NOS1AP: variants seen among roughly 807,000 people sequenced by gnomAD.
The protein encoded by NOS1AP is nitric oxide synthase 1 adaptor protein, also known as carboxyl-terminal PDZ ligand of neuronal nitric oxide synthase protein.
NOS1AP carries 21 observed loss-of-function variants against 56.2 expected under a neutral mutation model. That is an observed-to-expected ratio of 0.37 (90% CI 0.26 to 0.54). The LOEUF (loss-of-function observed/expected upper bound fraction) is 0.54, where lower values mean the gene tolerates loss of function less well. NOS1AP is among the 20% of genes least tolerant of loss of function. The pLI, the probability that NOS1AP is intolerant of heterozygous loss-of-function variation, is 0.84. For synonymous variants in NOS1AP, 270 were observed against 274.6 expected (o/e 0.98, Z 0.17); for missense variants, 522 against 657.8 (o/e 0.79, Z 2.26).
chr1:162,092,785 G>A (rs1366519485), intron 1 of NOS1AP, among the ~76,000 whole-genome samples: 1 of 152,120 alleles, frequency 6.6e-6, no homozygotes, highest in African/African-American at 2.4e-5. Flanking sequence ...AGTGTGGGGA[G>A]GCTTCCTGAT....
chr1:162,243,209 G>C (rs4656361), intron 2 of NOS1AP, among the ~76,000 whole-genome samples: 50,020 of 151,996 alleles, frequency 0.33, 8,555 homozygotes, highest in East Asian at 0.54. Flanking sequence ...AGGGGACAAG[G>C]GGGTGTTAGA....
chr1:162,079,617 A>T (rs764785869), intron 1 of NOS1AP, among the ~76,000 whole-genome samples: 2 of 152,218 alleles, frequency 1.3e-5, no homozygotes, highest in Non-Finnish European at 1.5e-5. Flanking sequence ...AATATCTCAT[A>T]CTTCGTAGGG....
At chr1:162,351,434 G>A (rs553527339) in intron 6 of NOS1AP, among the ~76,000 whole-genome samples, 7 of 152,184 alleles carry the variant, frequency 4.6e-5, no homozygotes, top group Admixed American at 2.0e-4. Flanking sequence ...CCCACAGACC[G>A]ATTACACATT....
chr1:162,247,971 T>G (rs1653721444), intron 2 of NOS1AP, among the ~76,000 whole-genome samples: 1 of 152,162 alleles, frequency 6.6e-6, no homozygotes, highest in Non-Finnish European at 1.5e-5. Context: ...TTTACTATGG[T>G]TCTGCCTGGA....
Position 162,070,778 on chromosome 1 carries a change from T to C in NOS1AP, c.105+496T>C, listed in dbSNP as rs74543874. ...TTTTTTTAAACTCCAGGTAACCGGG[T>C]CTAGGTGTCAGAGTCACTTCCTAAA... is the stretch of plus-strand genomic sequence containing the variant. On this transcript the variant is annotated intron_variant, in intron 1 of 9. Transcript: ENST00000361897. 7.9e-3 allele frequency among the ~76,000 whole-genome samples: 1,205 copies of C among 152,024 alleles called. 18 individuals are homozygous for C. Among genetic ancestry groups the C allele is most frequent in the African/African-American group, 0.028 (1,146 of 41,424 alleles).
At chr1:162,278,534 A>G (rs1215013845) in intron 2 of NOS1AP, among the ~76,000 whole-genome samples, 1 of 152,038 alleles carries the variant, frequency 6.6e-6, no homozygotes, top group Non-Finnish European at 1.5e-5. Flanking sequence ...TTTTCAAGAG[A>G]GGTAAATTGA....
At chr1:162,199,716 C>G (rs1651929492) in intron 2 of NOS1AP, among the ~76,000 whole-genome samples, 1 of 151,880 alleles carries the variant, frequency 6.6e-6, no homozygotes, top group Admixed American at 6.6e-5. Context: ...ACAGCCAGTC[C>G]CCAGGTAGTC....
At chr1:162,199,073 C>T (rs1651898665) in intron 2 of NOS1AP, among the ~76,000 whole-genome samples, 1 of 152,174 alleles carries the variant, frequency 6.6e-6, no homozygotes, top group Non-Finnish European at 1.5e-5. Context: ...TATCCTGCTT[C>T]ATTGTTAGGG....
At chr1:162,154,609 C>G in intron 2 of NOS1AP, 133 bp downstream of exon 2, 1 of 687,388 alleles carries the variant, frequency 1.5e-6, no homozygotes, top group Non-Finnish European at 2.6e-6. Flanking sequence ...TCTCTGTACC[C>G]TCTAGGTAGC....
intron 2 of NOS1AP, among the ~76,000 whole-genome samples, chr1:162,170,789 A>G (rs1216120816): frequency 3.9e-5 from 6 of 152,036 alleles, no homozygotes; most frequent in Admixed American, 2.0e-4. Flanking sequence ...AAAAATACAA[A>G]AATTAGCCGG....
rs766453587 is a variant in NOS1AP, at chr1:162,199,638, GTGTCTGTGTGTA to G, written c.177+45163_177+45174del. ...TGTGTGTGTGTGTGTGTGTGTGTGT[GTGTCTGTGTGTA>G]AATTCTTGCAAATCCTCCTGCCCTG... is the stretch of plus-strand genomic sequence containing the variant. On this transcript the variant is annotated intron_variant, in intron 2 of 9. Transcript: ENST00000361897. Among the ~76,000 whole-genome samples, 929 of 115,974 alleles carry G rather than the reference GTGTCTGTGTGTA, an allele frequency of 8.0e-3. 6 individuals carry two copies. Among genetic ancestry groups the G allele is most frequent in the Middle Eastern group, 0.032 (7 of 220 alleles). The allele number at this position is 115,974 out of a possible 152,430, so 76.1% of individuals were successfully genotyped here.
Position 162,289,469 on chromosome 1 carries a change from C to CT in NOS1AP, c.270+2056dup, listed in dbSNP as rs60010458. 1.5e-3 allele frequency among the ~76,000 whole-genome samples: 125 copies of CT among 85,480 alleles called. 3 individuals carry two copies. The highest frequency in any genetic ancestry group is 5.8e-3 in the African/African-American group (116 of 19,984). 56.1% of individuals were successfully genotyped at this position (85,480 alleles called of 152,430 possible). A position where few individuals can be genotyped will look rare whatever the true frequency, so the allele number is the denominator to read the frequency against. On this transcript the variant is annotated intron_variant, in intron 3 of 9. Coordinates refer to ENST00000361897, the MANE Select transcript of NOS1AP (RefSeq NM_014697.3). The stretch of plus-strand genomic sequence containing the variant: ...CCTGCCACCACGCCCAGCTACTTTT[C>CT]TTTTTTTTTTTTTTTTTTTTTTTGA...
chr1:162,365,185 C>G, intron 8 of NOS1AP: 2 of 1,440,190 alleles, frequency 1.4e-6, no homozygotes, highest in Non-Finnish European at 1.8e-6. Context: ...ATGGCCCTCC[C>G]TTAGGACACA....
chr1:162,205,078 T>C (rs546526333), intron 2 of NOS1AP, among the ~76,000 whole-genome samples: 1 of 152,378 alleles, frequency 6.6e-6, no homozygotes, highest in East Asian at 1.9e-4. Context: ...ATCACACTGC[T>C]AATCAGTTGG....
intron 2 of NOS1AP, among the ~76,000 whole-genome samples, chr1:162,183,964 G>A (rs1387123161): frequency 6.6e-6 from 1 of 152,146 alleles, no homozygotes; most frequent in Non-Finnish European, 1.5e-5. Context: ...TAACTGTTTG[G>A]CACAGGAGGC....
chr1:162,211,870 T>C (rs1652359510), intron 2 of NOS1AP, among the ~76,000 whole-genome samples: 1 of 152,178 alleles, frequency 6.6e-6, no homozygotes, highest in South Asian at 2.1e-4. Context: ...GAATCATCCT[T>C]GGGAGTGTTG....
intron 2 of NOS1AP, among the ~76,000 whole-genome samples, chr1:162,166,916 A>G (rs1405461601): frequency 6.6e-6 from 1 of 152,146 alleles, no homozygotes; most frequent in Non-Finnish European, 1.5e-5. Flanking sequence ...GCTGGGTGGA[A>G]GCTCCTCGCC....
At chr1:162,256,756 T>C (rs1311142348) in intron 2 of NOS1AP, among the ~76,000 whole-genome samples, 1 of 152,218 alleles carries the variant, frequency 6.6e-6, no homozygotes, top group Non-Finnish European at 1.5e-5. Flanking sequence ...GTAGTTGATG[T>C]TGCAAATGTC....
chr1:162,325,202 G>T (rs1369936018), intron 4 of NOS1AP, among the ~76,000 whole-genome samples: 1 of 152,148 alleles, frequency 6.6e-6, no homozygotes, highest in Admixed American at 6.5e-5. Flanking sequence ...ATACAGTGGG[G>T]GGAAAATGAT....
Sources: gnomAD v4.1 joint callset for allele counts (sites outside exome capture counted in the v4.1 genomes callset) on GRCh38, gnomAD v4.1.1 for gene constraint, MANE v1.5 for transcripts, NCBI Gene and HGNC (gene_info 2026-07-23, HGNC 2026-07-21) for gene names.